LRRC3B: variants seen among roughly 807,000 people sequenced by gnomAD.
LRRC3B encodes leucine-rich repeat-containing protein 3B.
A neutral mutation model predicts 12.8 loss-of-function variants in LRRC3B; 2 were observed. The ratio of observed to expected loss-of-function variants is 0.16; its 90% CI spans 0.06 to 0.49. The LOEUF is 0.49. Among genes scored for constraint, LRRC3B ranks in the 20% least tolerant of loss-of-function variants. The pLI is 0.96. For missense variants in LRRC3B, 189 were observed against 319.4 expected (o/e 0.59, Z 3.11); for synonymous variants, 132 against 122.0 (o/e 1.08, Z -0.54).
exon 2 of LRRC3B, chr3:26,710,709 T>G: frequency 3.2e-6 from 1 of 316,400 alleles, no homozygotes; most frequent in Non-Finnish European, 6.1e-6. Context: ...TCCATCTCAC[T>G]ATTTAATAAT....
intron 1 of LRRC3B, among the ~76,000 whole-genome samples, chr3:26,639,970 G>A (rs2125407022): frequency 6.6e-6 from 1 of 152,166 alleles, no homozygotes. Context: ...GATGAAGACA[G>A]GAAGTTAATG....
At chr3:26,636,859 TCCC>T (rs1559350106) in intron 1 of LRRC3B, among the ~76,000 whole-genome samples, 3 of 90,660 alleles carry the variant, frequency 3.3e-5, no homozygotes, top group East Asian at 5.4e-4. Context: ...CCTCCCTCCC[TCCC>T]TCCCTTCCTT....
At chr3:26,691,709 G>A (rs1700197846) in intron 1 of LRRC3B, among the ~76,000 whole-genome samples, 1 of 152,188 alleles carries the variant, frequency 6.6e-6, no homozygotes, top group South Asian at 2.1e-4. Flanking sequence ...ATGAAATGGG[G>A]GAGAGCACTC....
chr3:26,651,577 A>T (rs1354678439), intron 1 of LRRC3B, among the ~76,000 whole-genome samples: 1 of 152,120 alleles, frequency 6.6e-6, no homozygotes, highest in Non-Finnish European at 1.5e-5. Context: ...CATAAAGTCA[A>T]TACTCAATAA....
chr3:26,646,598 T>TAAAAAAAAAAAAAAAA (rs529066996), intron 1 of LRRC3B, among the ~76,000 whole-genome samples: 1 of 99,644 alleles, frequency 1.0e-5, no homozygotes, highest in Admixed American at 1.1e-4. Context: ...GGATAGGAGG[T>TAAAAAAAAAAAAAAAA]AAAAAAAAAA....
At chr3:26,707,035 A>T (rs1575183757) in intron 1 of LRRC3B, among the ~76,000 whole-genome samples, 1 of 152,230 alleles carries the variant, frequency 6.6e-6, no homozygotes, top group South Asian at 2.1e-4. Flanking sequence ...AACTATGGCT[A>T]AAAAGCATCG....
chr3:26,705,655 G>C (rs980275572), intron 1 of LRRC3B, among the ~76,000 whole-genome samples: 2 of 152,118 alleles, frequency 1.3e-5, no homozygotes, highest in Non-Finnish European at 2.9e-5. Context: ...TTTGTGTGTA[G>C]TTGTGATTCA....
At chr3:26,685,194 C>T (rs1359108361) in intron 1 of LRRC3B, among the ~76,000 whole-genome samples, 1 of 152,046 alleles carries the variant, frequency 6.6e-6, no homozygotes, top group Admixed American at 6.6e-5. Context: ...CTCAGGTGAT[C>T]CACCCACCTT....
At chr3:26,655,189 G>A (rs1699348293) in intron 1 of LRRC3B, among the ~76,000 whole-genome samples, 1 of 151,802 alleles carries the variant, frequency 6.6e-6, no homozygotes, top group South Asian at 2.1e-4. Context: ...TTTCTTCTTA[G>A]ATACTCTACT....
At chr3:26,642,214 A>T (rs1032551741) in intron 1 of LRRC3B, among the ~76,000 whole-genome samples, 3 of 152,208 alleles carry the variant, frequency 2.0e-5, no homozygotes, top group African/African-American at 7.2e-5. Flanking sequence ...GAGAAAGAAT[A>T]AAAAAGGCAA....
At chr3:26,681,119 T>C (rs1398659614) in intron 1 of LRRC3B, among the ~76,000 whole-genome samples, 1 of 152,222 alleles carries the variant, frequency 6.6e-6, no homozygotes, top group Non-Finnish European at 1.5e-5. Flanking sequence ...TTGGAAATAA[T>C]ATATAGTTTC....
chr3:26,662,210 C>G (rs1699505012), intron 1 of LRRC3B, among the ~76,000 whole-genome samples: 1 of 152,020 alleles, frequency 6.6e-6, no homozygotes, highest in Non-Finnish European at 1.5e-5. Context: ...TTTCCTAGAC[C>G]ATTATAGTCA....
exon 2 of LRRC3B, chr3:26,709,909 T>C: frequency 6.2e-7 from 1 of 1,614,096 alleles, no homozygotes; most frequent in East Asian, 2.2e-5. Flanking sequence ...TCACATCTAT[T>C]CCCAATGAAA....
chr3:26,693,971 C>G (rs563789669), intron 1 of LRRC3B, among the ~76,000 whole-genome samples: 1 of 151,944 alleles, frequency 6.6e-6, no homozygotes, highest in African/African-American at 2.4e-5. Context: ...AAAAAATAAC[C>G]CTTAGTGATA....
intron 1 of LRRC3B, among the ~76,000 whole-genome samples, chr3:26,661,292 A>G (rs1226172974): frequency 6.6e-6 from 1 of 152,214 alleles, no homozygotes; most frequent in African/African-American, 2.4e-5. Context: ...TAGGTAGAGC[A>G]AGTACCCATA....
At chr3:26,645,285 T>C (rs997078209) in intron 1 of LRRC3B, among the ~76,000 whole-genome samples, 6 of 152,180 alleles carry the variant, frequency 3.9e-5, no homozygotes, top group African/African-American at 1.4e-4. Context: ...ATGTTTACAT[T>C]GTGCAGAGAC....
chr3:26,652,292 G>C (rs1049014813), intron 1 of LRRC3B, among the ~76,000 whole-genome samples: 1 of 152,218 alleles, frequency 6.6e-6, no homozygotes, highest in South Asian at 2.1e-4. Context: ...GACAGCTGGG[G>C]CCTGCGAAGC....
At chr3:26,642,074 A>G (rs544657108) in intron 1 of LRRC3B, among the ~76,000 whole-genome samples, 121 of 152,362 alleles carry the variant, frequency 7.9e-4, no homozygotes, top group African/African-American at 2.8e-3. Flanking sequence ...GTATTATTGT[A>G]TAGTTCTGCA....
intron 1 of LRRC3B, among the ~76,000 whole-genome samples, chr3:26,644,907 C>T (rs545070047): frequency 6.6e-6 from 1 of 152,170 alleles, no homozygotes; most frequent in African/African-American, 2.4e-5. Context: ...CATATAATGC[C>T]CATATATACA....
Sources: allele counts gnomAD v4.1 joint callset (sites outside exome capture counted in the v4.1 genomes callset), GRCh38; gene constraint gnomAD v4.1.1; transcripts MANE v1.5; gene names NCBI Gene and HGNC (gene_info 2026-07-23, HGNC 2026-07-21).